FERMT2: variants seen among roughly 807,000 people sequenced by gnomAD.
The protein encoded by FERMT2 is FERM domain containing kindlin 2, also known as fermitin family homolog 2.
In FERMT2, 15 loss-of-function variants were observed where a neutral mutation model predicts 82.7. The ratio of observed to expected loss-of-function variants is 0.18; its 90% CI spans 0.12 to 0.28. The LOEUF is 0.28. Ranked by LOEUF, FERMT2 falls within the 10% of genes least tolerant of loss-of-function variation. The pLI is 1.00. For synonymous variants in FERMT2, 274 were observed against 271.5 expected, an observed-to-expected ratio of 1.01 and a Z score of -0.09; for missense variants, 645 against 809.4, an observed-to-expected ratio of 0.80 and a Z score of 2.46.
At chr14:52,933,705 C>T (rs1273846522) in intron 2 of FERMT2, among the ~76,000 whole-genome samples, 1 of 101,052 alleles carries the variant, frequency 9.9e-6, no homozygotes, top group African/African-American at 4.1e-5. Context: ...AGCAAAACTC[C>T]GTCTCAAAAA....
chr14:52,877,004 T>C (rs937742199), intron 7 of FERMT2, among the ~76,000 whole-genome samples: 1 of 152,174 alleles, frequency 6.6e-6, no homozygotes, highest in African/African-American at 2.4e-5. Flanking sequence ...CTGTGGTCTC[T>C]GAGGTGTTCC....
chr14:52,919,171 A>C lies in FERMT2; in HGVS notation c.343T>G (p.Phe115Val). 6.2e-7 allele frequency: 1 copy of C among 1,614,104 alleles called. No homozygotes were observed. The part of the protein sequence containing the change: ...NMKYVKVKVN[F>V]SDRVFKAVSD... The stretch of plus-strand genomic sequence containing the variant: ...ACAGCTTTGAAGACTCTATCAGAGA[A>C]ATTCACTTTCACCTTCACATACTTC... Residue 115 changes from phenylalanine to valine, a missense_variant, in exon 3 of 15, where the codon TTC becomes GTC. Coordinates refer to ENST00000341590, the MANE Select transcript of FERMT2 (RefSeq NM_006832.3).
At chr14:52,897,992 A>AAC (rs1887394645) in intron 3 of FERMT2, among the ~76,000 whole-genome samples, 2 of 149,206 alleles carry the variant, frequency 1.3e-5, no homozygotes, top group Non-Finnish European at 3.0e-5. Context: ...AAAAAAAAAA[A>AAC]AACAACCAAA....
intron 2 of FERMT2, among the ~76,000 whole-genome samples, chr14:52,938,373 GTA>G (rs1226308931): frequency 6.6e-6 from 1 of 152,146 alleles, no homozygotes; most frequent in Non-Finnish European, 1.5e-5. Context: ...TGAGCTCTTA[GTA>G]TAGTCATTCT....
chr14:52,889,664 C>T (rs1026185746), intron 4 of FERMT2, among the ~76,000 whole-genome samples: 2 of 151,952 alleles, frequency 1.3e-5, no homozygotes, highest in Admixed American at 6.6e-5. Context: ...CTCATACAGG[C>T]CTGGATGGTA....
chr14:52,950,410 A>C lies in FERMT2; in HGVS notation c.157+2T>G. The C allele has an allele frequency of 6.2e-7, 1 of 1,612,240 alleles. No individual in the cohort carries two copies. Among genetic ancestry groups the C allele is most frequent in the Non-Finnish European group, 8.5e-7 (1 of 1,179,224 alleles). ...GTTGGACGCGGCTGGGATGCTACTCACCGAGTTTCTCCACCAGCTTAAGCA... is the reference window on the plus strand; with the variant it reads ...GTTGGACGCGGCTGGGATGCTACTCCCCGAGTTTCTCCACCAGCTTAAGCA... On this transcript the variant is annotated splice_donor_variant, in intron 2 of 14. Coordinates refer to ENST00000341590, the MANE Select transcript of FERMT2 (RefSeq NM_006832.3). LOFTEE classifies it high-confidence loss of function.
chr14:52,932,724 A>G (rs1394129179), intron 2 of FERMT2, among the ~76,000 whole-genome samples: 4 of 152,214 alleles, frequency 2.6e-5, no homozygotes, highest in African/African-American at 7.2e-5. Context: ...AAGACTGTTC[A>G]TTGGTAATTA....
intron 3 of FERMT2, among the ~76,000 whole-genome samples, chr14:52,913,466 T>C (rs1383303422): frequency 6.6e-6 from 1 of 152,156 alleles, no homozygotes; most frequent in Non-Finnish European, 1.5e-5. Flanking sequence ...CACGAGTTCC[T>C]GATTCAAAGT....
intron 8 of FERMT2, among the ~76,000 whole-genome samples, chr14:52,875,011 T>C (rs1317896397): frequency 6.6e-6 from 1 of 152,118 alleles, no homozygotes; most frequent in Non-Finnish European, 1.5e-5. Context: ...CTATGACGTG[T>C]GCCACTGCAC....
At chr14:52,889,715 A>G (rs1052794300) in intron 4 of FERMT2, among the ~76,000 whole-genome samples, 4 of 152,188 alleles carry the variant, frequency 2.6e-5, no homozygotes, top group African/African-American at 4.8e-5. Context: ...GGTATAGTCT[A>G]TTGCTCCCAG....
At chr14:52,934,682 C>T (rs551472667) in intron 2 of FERMT2, among the ~76,000 whole-genome samples, 3 of 152,314 alleles carry the variant, frequency 2.0e-5, no homozygotes, top group South Asian at 2.1e-4. Flanking sequence ...TATAGTCTTT[C>T]AAATGGTGAA....
intron 4 of FERMT2, among the ~76,000 whole-genome samples, chr14:52,884,879 A>G (rs759471547): frequency 2.7e-5 from 4 of 149,808 alleles, no homozygotes; most frequent in Non-Finnish European, 5.9e-5. Context: ...GTGCACGCCT[A>G]TAGTCCCAGC....
chr14:52,901,280 CAAAAAAA>C (rs10638877), intron 3 of FERMT2, among the ~76,000 whole-genome samples: 1 of 57,258 alleles, frequency 1.7e-5, no homozygotes. Flanking sequence ...GACTCTGTCT[CAAAAAAA>C]AAAAAAAAAA....
At chr14:52,948,988 C>A (rs17125979) in intron 2 of FERMT2, among the ~76,000 whole-genome samples, 3,173 of 152,266 alleles carry the variant, frequency 0.021, 77 homozygotes, top group East Asian at 0.073. Flanking sequence ...AAGGTTCATA[C>A]ATATTTTGCA....
intron 12 of FERMT2, chr14:52,861,072 A>C: frequency 1.3e-6 from 2 of 1,488,134 alleles, no homozygotes; most frequent in East Asian, 2.6e-5. Context: ...AAGGAAGCAG[A>C]AAGAAAAAAA....
chr14:52,924,586 C>T (rs1278122837), intron 2 of FERMT2, among the ~76,000 whole-genome samples: 1 of 152,068 alleles, frequency 6.6e-6, no homozygotes, highest in African/African-American at 2.4e-5. Flanking sequence ...TGCAAGAGTT[C>T]ACTCTTGCAA....
At chr14:52,874,328 G>A in intron 8 of FERMT2, 102 bp from the exon 9 acceptor site, 2 of 592,518 alleles carry the variant, frequency 3.4e-6, no homozygotes, top group Non-Finnish European at 2.8e-6. Flanking sequence ...TAAACAGAAT[G>A]ACATAAAATA....
In FERMT2 at chr14:52,864,758, G is replaced by T. The variant is rs749389888; in HGVS notation, c.1369C>A (p.Arg457Ser). The stretch of plus-strand genomic sequence containing the variant: ...ACTGGAAAACTTACATTGTCACAAC[G>T]AAGCCAGATTTCATTCATGCCTTCT... ...VAEGMNEIWL[R>S]CDNEKQYAHW... The change falls in exon 11 of 15, where the codon CGT becomes AGT. Residue 457 changes from arginine (R) to serine (S), a missense_variant. Transcript: ENST00000341590. 6.2e-7 allele frequency: 1 copy of T among 1,610,674 alleles called. No individual in the cohort carries two copies. The highest frequency in any genetic ancestry group is 8.5e-7 in the Non-Finnish European group (1 of 1,177,492).
At chr14:52,921,478 T>G (rs1297616911) in intron 2 of FERMT2, among the ~76,000 whole-genome samples, 1 of 152,222 alleles carries the variant, frequency 6.6e-6, no homozygotes, top group Non-Finnish European at 1.5e-5. Context: ...CCCTACACCC[T>G]ACTTTCTAGC....
Sources: gnomAD v4.1 joint callset for allele counts (sites outside exome capture counted in the v4.1 genomes callset) on GRCh38, gnomAD v4.1.1 for gene constraint, MANE v1.5 for transcripts, NCBI Gene and HGNC (gene_info 2026-07-23, HGNC 2026-07-21) for gene names.